Variants in GPR137C observed in about 807,000 individuals in gnomAD.
The protein encoded by GPR137C is integral membrane protein GPR137C.
In GPR137C, 27 loss-of-function variants were observed where a neutral mutation model predicts 43.4. That is an observed-to-expected ratio of 0.62 (90% confidence interval 0.46 to 0.86). GPR137C has a LOEUF of 0.86. GPR137C is among the 40% of genes least tolerant of loss of function. The pLI, the probability that GPR137C is intolerant of heterozygous loss-of-function variation, is 0.00. For missense variants in GPR137C, 522 were observed against 534.6 expected, an observed-to-expected ratio of 0.98 and a Z score of 0.23; for synonymous variants, 285 against 226.9, an observed-to-expected ratio of 1.26 and a Z score of -2.30.
At chr14:52,560,604 C>CAT (rs1424550589) in intron 1 of GPR137C, among the ~76,000 whole-genome samples, 1 of 152,174 alleles carries the variant, frequency 6.6e-6, no homozygotes, top group Non-Finnish European at 1.5e-5. Flanking sequence ...ATTAGACCCA[C>CAT]ATATATATAG....
chr14:52,590,819 CT>C (rs534786881), intron 1 of GPR137C, among the ~76,000 whole-genome samples: 1 of 151,980 alleles, frequency 6.6e-6, no homozygotes, highest in African/African-American at 2.4e-5. Flanking sequence ...ACACATTGTG[CT>C]TTTTTTGTTG....
intron 3 of GPR137C, among the ~76,000 whole-genome samples, chr14:52,630,334 T>G (rs1383271600): frequency 6.6e-6 from 1 of 152,126 alleles, no homozygotes; most frequent in Non-Finnish European, 1.5e-5. Context: ...ACTTTTGCAG[T>G]TATTTTTGAG....
At chr14:52,558,696 A>G (rs1004219143) in intron 1 of GPR137C, among the ~76,000 whole-genome samples, 3 of 152,244 alleles carry the variant, frequency 2.0e-5, no homozygotes, top group Admixed American at 1.3e-4. Flanking sequence ...ATAGTACACA[A>G]TAATTAATCA....
intron 3 of GPR137C, among the ~76,000 whole-genome samples, chr14:52,622,135 A>G (rs999900484): frequency 6.6e-6 from 1 of 151,986 alleles, no homozygotes; most frequent in Non-Finnish European, 1.5e-5. Flanking sequence ...CCTCACACAT[A>G]TATATAGTTG....
At chr14:52,619,489 G>A (rs2039135480) in intron 3 of GPR137C, among the ~76,000 whole-genome samples, 1 of 151,994 alleles carries the variant, frequency 6.6e-6, no homozygotes, top group South Asian at 2.1e-4. Flanking sequence ...TTAGTTTGCT[G>A]CCCTAGCTAC....
intron 1 of GPR137C, among the ~76,000 whole-genome samples, chr14:52,594,783 T>C (rs1024026469): frequency 2.0e-5 from 3 of 152,224 alleles, no homozygotes; most frequent in African/African-American, 7.2e-5. Context: ...TTTGCCAGTC[T>C]GTGTCTTTTA....
chr14:52,584,682 A>G (rs571949609), intron 1 of GPR137C, among the ~76,000 whole-genome samples: 67 of 152,116 alleles, frequency 4.4e-4, no homozygotes, highest in Non-Finnish European at 7.9e-4. Context: ...CGCAATCATA[A>G]CTCACTGCAG....
intron 1 of GPR137C, among the ~76,000 whole-genome samples, chr14:52,581,354 G>A (rs2038643971): frequency 6.8e-6 from 1 of 147,352 alleles, no homozygotes; most frequent in Non-Finnish European, 1.5e-5. Flanking sequence ...CCAACATGGT[G>A]AGATGCCTTC....
At position 52,553,144 on chromosome 14, in the gene GPR137C, C is replaced by T; in HGVS notation, c.-4C>T. On this transcript the variant is annotated 5_prime_UTR_variant, in exon 1 of 7. Coordinates refer to ENST00000321662, the MANE Select transcript of GPR137C (RefSeq NM_001099652.2). ...CGCTCGCTCGCCCGGCCCCCAGCCC[C>T]CTCATGAGGGTGTCCGTGCCGGGTC... is the stretch of plus-strand genomic sequence containing the variant. 8.6e-7 allele frequency: 1 copy of T among 1,168,884 alleles called. No individual in the cohort carries two copies. Among genetic ancestry groups the T allele is most frequent in the Non-Finnish European group, 1.1e-6 (1 of 949,844 alleles). 72.4% of individuals were successfully genotyped at this position (1,168,884 alleles called of 1,614,324 possible). A position where few individuals can be genotyped will look rare whatever the true frequency, so the allele number is the denominator to read the frequency against.
chr14:52,606,564 A>C (rs1317282387), intron 3 of GPR137C, among the ~76,000 whole-genome samples: 2 of 152,068 alleles, frequency 1.3e-5, no homozygotes, highest in African/African-American at 2.4e-5. Context: ...TCAGACTCCC[A>C]GGGCTGGGAC....
chr14:52,605,395 A>G (rs563528854), intron 3 of GPR137C, among the ~76,000 whole-genome samples: 1 of 152,232 alleles, frequency 6.6e-6, no homozygotes, highest in East Asian at 1.9e-4. Flanking sequence ...CTGTATGTTG[A>G]TTTTGTATCC....
At chr14:52,563,345 T>TA (rs1240593196) in intron 1 of GPR137C, among the ~76,000 whole-genome samples, 1 of 150,660 alleles carries the variant, frequency 6.6e-6, no homozygotes, top group Non-Finnish European at 1.5e-5. Flanking sequence ...GACTCACACT[T>TA]ATCTCCGATC....
intron 1 of GPR137C, among the ~76,000 whole-genome samples, chr14:52,579,802 G>A (rs12892298): frequency 2.4e-3 from 358 of 152,322 alleles, no homozygotes; most frequent in Non-Finnish European, 3.8e-3. Flanking sequence ...TACCACAGAA[G>A]ATCATTAGAA....
intron 3 of GPR137C, among the ~76,000 whole-genome samples, chr14:52,605,469 A>C (rs1457459252): frequency 6.6e-6 from 1 of 152,208 alleles, no homozygotes; most frequent in Admixed American, 6.5e-5. Context: ...GTTTTTCAAA[A>C]TATGAGATCA....
chr14:52,560,876 T>C (rs2038272541), intron 1 of GPR137C, among the ~76,000 whole-genome samples: 2 of 152,170 alleles, frequency 1.3e-5, no homozygotes, highest in Admixed American at 6.5e-5. Context: ...AATGAGACTT[T>C]ATCAAAATTT....
intron 1 of GPR137C, among the ~76,000 whole-genome samples, chr14:52,596,445 C>T (rs1027000660): frequency 2.6e-5 from 4 of 152,344 alleles, no homozygotes; most frequent in East Asian, 1.9e-4. Context: ...TCTAGCGAGG[C>T]GGTAGGCCTT....
chr14:52,608,323 A>G (rs1165061211), intron 3 of GPR137C, among the ~76,000 whole-genome samples: 1 of 152,232 alleles, frequency 6.6e-6, no homozygotes, highest in Non-Finnish European at 1.5e-5. Flanking sequence ...GTAGTTAACA[A>G]CAAGTTACTT....
intron 1 of GPR137C, among the ~76,000 whole-genome samples, chr14:52,556,546 G>T (rs949722592): frequency 1.3e-5 from 2 of 151,762 alleles, no homozygotes; most frequent in African/African-American, 4.8e-5. Flanking sequence ...AAGCCACCTT[G>T]TACACTAATC....
At chr14:52,581,543 A>AG (rs2038647318) in intron 1 of GPR137C, among the ~76,000 whole-genome samples, 2 of 152,210 alleles carry the variant, frequency 1.3e-5, no homozygotes, top group Admixed American at 6.5e-5. Context: ...CAAAAAAAAA[A>AG]AAAGAAAGAA....
Sources: gnomAD v4.1 joint callset for allele counts (sites outside exome capture counted in the v4.1 genomes callset) on GRCh38, gnomAD v4.1.1 for gene constraint, MANE v1.5 for transcripts, NCBI Gene and HGNC (gene_info 2026-07-23, HGNC 2026-07-21) for gene names.